Variants in SPEF1 observed in about 807,000 individuals in gnomAD.
The protein encoded by SPEF1 is sperm flagellar and cilia associated 1, also known as sperm flagella and cilia-associated protein 1.
Under a neutral mutation model 31.8 loss-of-function variants are expected in SPEF1, and 30 were observed. The observed-to-expected ratio is 0.94, with a 90% CI of 0.70 to 1.28. The LOEUF (loss-of-function observed/expected upper bound fraction) is 1.28. SPEF1 is among the 50% of genes most tolerant of loss of function. The pLI is 0.00. For missense variants in SPEF1, 298 were observed against 309.6 expected (o/e 0.96, Z 0.28); for synonymous variants, 126 against 130.1 (o/e 0.97, Z 0.21).
rs1360374288 is a variant in SPEF1, at chr20:3,781,382, C to T, written c.-95G>A. 3 of 1,499,744 alleles carry T rather than the reference C, an allele frequency of 2.0e-6. No homozygotes were observed. Among genetic ancestry groups the T allele is most frequent in the South Asian group, 1.2e-5 (1 of 80,582 alleles). The allele number at this position is 1,499,744 out of a possible 1,614,324, so 92.9% of individuals were successfully genotyped here. A position where few individuals can be genotyped will look rare whatever the true frequency, so the allele number is the denominator to read the frequency against. On this transcript the variant is annotated 5_prime_UTR_variant, in exon 1 of 7. It removes an upstream start codon present in the reference 5' UTR. Transcript: ENST00000379756. ...TTCCTTTCTCGCCACTGCAGAAGCCCATAACTGCCTCTGCCTGCCTAATCC... is the reference window on the plus strand; with the variant it reads ...TTCCTTTCTCGCCACTGCAGAAGCCTATAACTGCCTCTGCCTGCCTAATCC...
In SPEF1 at chr20:3,781,360, C is replaced by T; in HGVS notation, c.-73G>A. On this transcript the variant is annotated 5_prime_UTR_variant, in exon 1 of 7. Transcript: ENST00000379756. ...AGCCTCACGACCCTTCAGGCGCTTC[C>T]TTTCTCGCCACTGCAGAAGCCCATA... The T allele has an allele frequency of 6.5e-7, 1 of 1,549,698 alleles. No individual in the cohort carries two copies. The highest frequency in any genetic ancestry group is 1.2e-5 in the South Asian group (1 of 85,726).
chr20:3,777,595 A>C lies in SPEF1; in HGVS notation c.*617T>G, dbSNP rs2088752119. Reference sequence around the variant, plus strand: ...CCCCGTGCGCGAGGAGGGAGGGGCGACTGCTACGGGCACATCGTCGATGTC... The same window carrying C: ...CCCCGTGCGCGAGGAGGGAGGGGCGCCTGCTACGGGCACATCGTCGATGTC... On this transcript the variant is annotated 3_prime_UTR_variant, in exon 7 of 7. Coordinates refer to ENST00000379756, the MANE Select transcript of SPEF1 (RefSeq NM_015417.5). This position sits in a 1 kb window ranked among gnomAD's most constrained non-coding sequence, Gnocchi z 4.1. The C allele has an allele frequency of 6.6e-6, 1 of 152,328 alleles. No homozygotes were observed. The highest frequency in any genetic ancestry group is 1.5e-5 in the Non-Finnish European group (1 of 68,128). The allele number at this position is 152,328 out of a possible 1,614,324, so 9.4% of individuals were successfully genotyped here.
intron 1 of SPEF1, among the ~76,000 whole-genome samples, chr20:3,780,622 G>A (rs2088774041): frequency 6.6e-6 from 1 of 152,084 alleles, no homozygotes; most frequent in Non-Finnish European, 1.5e-5. Flanking sequence ...AGCACAAAAA[G>A]CCACATATGC....
In SPEF1 at chr20:3,779,779, AG is replaced by A; in HGVS notation, c.110-5del. 1 of 1,393,588 alleles carries A rather than the reference AG, an allele frequency of 7.2e-7. No individual in the cohort carries two copies. The highest frequency in any genetic ancestry group is 9.7e-7 in the Non-Finnish European group (1 of 1,035,718). The allele number at this position is 1,393,588 out of a possible 1,614,324, so 86.3% of individuals were successfully genotyped here. ...TTGATGACCTCTGCAACAAGGACTG[AG>A]GGAGAGGGGAGCAGACATGGAAAGT... On this transcript the variant is annotated splice_region_variant and splice_polypyrimidine_tract_variant and intron_variant, in intron 1 of 6. Coordinates refer to ENST00000379756, the MANE Select transcript of SPEF1 (RefSeq NM_015417.5).
At position 3,781,209 on chromosome 20, in the gene SPEF1, G is replaced by A; in HGVS notation, c.79C>T (p.Arg27Ter). The change falls in exon 1 of 7, where the codon CGA becomes TGA. Residue 27 changes from arginine (R) to a stop codon, truncating the protein, a stop_gained. Transcript: ENST00000379756. LOFTEE classifies it high-confidence loss of function. ...VDNIPLSRPK[R>*]NLSRDFSDGV... is the part of the protein sequence containing the mutation. Reference sequence around the variant, plus strand: ...TCGCTAAAGTCCCGGGAGAGGTTTCGCTTGGGCCGGGACAGAGGGATGTTG... The same window carrying A: ...TCGCTAAAGTCCCGGGAGAGGTTTCACTTGGGCCGGGACAGAGGGATGTTG... 1 of 1,614,212 alleles carries A rather than the reference G, an allele frequency of 6.2e-7. No individual in the cohort carries two copies. The highest frequency in any genetic ancestry group is 2.2e-5 in the East Asian group (1 of 44,886).
At position 3,779,203 on chromosome 20, in the gene SPEF1, G is replaced by A. The variant is rs2088765016; in HGVS notation, c.371C>T (p.Ser124Phe). 4 of 1,573,124 alleles carry A rather than the reference G, an allele frequency of 2.5e-6. No individual in the cohort carries two copies. Among genetic ancestry groups the A allele is most frequent in the African/African-American group, 1.3e-5 (1 of 74,146 alleles). The change falls in exon 3 of 7, where the codon TCC (serine) becomes TTC (phenylalanine). Residue 124 changes from serine (S) to phenylalanine (F), a missense_variant. By Grantham distance (155) the Ser-to-Phe change is radical (BLOSUM62 -2). Transcript: ENST00000379756. ...RQRRRKQGAG[S>F]LQELAPQDGS... ...GCTGGAGCGGGGTGGCACCTGTAAG[G>A]AGCCGGCGCCCTGCTTCCTGCGCCT...
Position 3,777,524 on chromosome 20 carries a change from A to C in SPEF1, c.*688T>G, listed in dbSNP as rs1348893705. On this transcript the variant is annotated 3_prime_UTR_variant, in exon 7 of 7. Coordinates refer to ENST00000379756, the MANE Select transcript of SPEF1 (RefSeq NM_015417.5). The surrounding 1 kb of genome is among the most constrained non-coding windows in gnomAD (Gnocchi z 4.1). ...GGAAATAGAACACAACACTGACTTTAATGGGGCAGCCCTGAGCCGTAACCT... is the reference window on the plus strand; with the variant it reads ...GGAAATAGAACACAACACTGACTTTCATGGGGCAGCCCTGAGCCGTAACCT... The C allele has an allele frequency of 1.3e-5, 2 of 152,310 alleles. No individual in the cohort carries two copies. Among genetic ancestry groups the C allele is most frequent in the Non-Finnish European group, 2.9e-5 (2 of 68,092 alleles). The allele number at this position is 152,310 out of a possible 1,614,324, so 9.4% of individuals were successfully genotyped here.
rs1340458558 is a variant in SPEF1, at chr20:3,781,391, C to T, written c.-104G>A. On this transcript the variant is annotated 5_prime_UTR_variant, in exon 1 of 7. Transcript: ENST00000379756. ...CGCCACTGCAGAAGCCCATAACTGC[C>T]TCTGCCTGCCTAATCCAGAGACTCA... The T allele has an allele frequency of 2.7e-6, 4 of 1,464,454 alleles. No homozygotes were observed. Among genetic ancestry groups the T allele is most frequent in the African/African-American group, 2.8e-5 (2 of 70,692 alleles). The allele number at this position is 1,464,454 out of a possible 1,614,324, so 90.7% of individuals were successfully genotyped here. A position where few individuals can be genotyped will look rare whatever the true frequency, so the allele number is the denominator to read the frequency against.
rs766459660 is a variant in SPEF1, at chr20:3,778,961, G to A, written c.408C>T (p.Tyr136=). 1 of 1,614,188 alleles carries A rather than the reference G, an allele frequency of 6.2e-7. No homozygotes were observed. Among genetic ancestry groups the A allele is most frequent in the Non-Finnish European group, 8.5e-7 (1 of 1,180,022 alleles). The stretch of plus-strand genomic sequence containing the variant: ...AAAAGGCCACCTTACCCACATCCAT[G>A]TAGCCACTGCCATCCTGGGGAGCCA... ...QELAPQDGSG[Y]MDVGVSQKAR... Residue 136 remains tyrosine, a synonymous_variant, in exon 4 of 7, where the codon TAC becomes TAT. Coordinates refer to ENST00000379756, the MANE Select transcript of SPEF1 (RefSeq NM_015417.5).
Position 3,779,784 on chromosome 20 carries a change from G to A in SPEF1, c.110-9C>T. On this transcript the variant is annotated splice_polypyrimidine_tract_variant and intron_variant, in intron 1 of 6. Transcript: ENST00000379756. ...GACCTCTGCAACAAGGACTGAGGGA[G>A]AGGGGAGCAGACATGGAAAGTGGGG... 1.3e-6 allele frequency: 2 copies of A among 1,553,812 alleles called. No individual in the cohort carries two copies. Among genetic ancestry groups the A allele is most frequent in the Non-Finnish European group, 1.8e-6 (2 of 1,127,672 alleles).
At chr20:3,779,119 G>A in intron 3 of SPEF1, 77 bp downstream of exon 3, 1 of 1,551,014 alleles carries the variant, frequency 6.4e-7, no homozygotes, top group Non-Finnish European at 8.7e-7. Context: ...TATCACCCAG[G>A]CTGGCCTTTC....
chr20:3,780,108 C>T (rs369812317), intron 1 of SPEF1, among the ~76,000 whole-genome samples: 4 of 151,452 alleles, frequency 2.6e-5, no homozygotes, highest in South Asian at 2.1e-4. Context: ...GAGGCTGAGG[C>T]GGGTAGATCA....
chr20:3,779,330 A>G lies in SPEF1; in HGVS notation c.244T>C (p.Phe82Leu). 2 of 1,598,570 alleles carry G rather than the reference A, an allele frequency of 1.3e-6. No individual in the cohort carries two copies. The highest frequency in any genetic ancestry group is 1.7e-6 in the Non-Finnish European group (2 of 1,169,854). Residue 82 changes from phenylalanine (F) to leucine (L), a missense_variant, in exon 3 of 7, where the codon TTT (phenylalanine) becomes CTT (leucine). Physicochemically the swap from Phe to Leu is conservative, Grantham distance 22. Transcript: ENST00000379756. Reference sequence around the variant, plus strand: ...CGCATCACGTCATCCGGTACTGAAAAGTTCAGCCTCTTCAGTACCTTCCTG... The same window carrying G: ...CGCATCACGTCATCCGGTACTGAAAGGTTCAGCCTCTTCAGTACCTTCCTG... The part of the protein sequence containing the change: ...LNRKVLKRLN[F>L]SVPDDVMRKI...
Position 3,781,192 on chromosome 20 carries a change from G to A in SPEF1, c.96C>T (p.Asp32=). Residue 32 remains aspartate, a synonymous_variant, in exon 1 of 7, where the codon GAC becomes GAT. Coordinates refer to ENST00000379756, the MANE Select transcript of SPEF1 (RefSeq NM_015417.5). ...AAGGGCACACACCTCCATCGCTAAA[G>A]TCCCGGGAGAGGTTTCGCTTGGGCC... The part of the protein sequence containing the change: ...LSRPKRNLSR[D]FSDGVLVAEV... 1 of 1,614,204 alleles carries A rather than the reference G, an allele frequency of 6.2e-7. No individual in the cohort carries two copies. Among genetic ancestry groups the A allele is most frequent in the Non-Finnish European group, 8.5e-7 (1 of 1,180,028 alleles).
In SPEF1 at chr20:3,781,175, A is replaced by C; in HGVS notation, c.109+4T>G. 2 of 1,614,166 alleles carry C rather than the reference A, an allele frequency of 1.2e-6. No homozygotes were observed. The highest frequency in any genetic ancestry group is 1.7e-6 in the Non-Finnish European group (2 of 1,180,008). ...AGAACATGCAGACACACAAGGGCACACACCTCCATCGCTAAAGTCCCGGGA... is the reference window on the plus strand; with the variant it reads ...AGAACATGCAGACACACAAGGGCACCCACCTCCATCGCTAAAGTCCCGGGA... On this transcript the variant is annotated splice_donor_region_variant and intron_variant, in intron 1 of 6. Transcript: ENST00000379756.
chr20:3,778,381 G>A (rs768652084), intron 6 of SPEF1, 40 bp downstream of exon 6: 2 of 1,613,590 alleles, frequency 1.2e-6, no homozygotes, highest in South Asian at 2.2e-5. Context: ...GGCCTCTGCT[G>A]GCCGCGAGCC....
chr20:3,779,120 C>A, intron 3 of SPEF1, 76 bp downstream of exon 3: 1 of 1,548,514 alleles, frequency 6.5e-7, no homozygotes, highest in Non-Finnish European at 8.7e-7. Context: ...ATCACCCAGG[C>A]TGGCCTTTCT....
Position 3,777,787 on chromosome 20 carries a change from A to G in SPEF1, c.*425T>C. 1 of 158,968 alleles carries G rather than the reference A, an allele frequency of 6.3e-6. No homozygotes were observed. The highest frequency in any genetic ancestry group is 1.9e-4 in the South Asian group (1 of 5,358). The allele number at this position is 158,968 out of a possible 1,614,324, so 9.8% of individuals were successfully genotyped here. On this transcript the variant is annotated 3_prime_UTR_variant, in exon 7 of 7. Coordinates refer to ENST00000379756, the MANE Select transcript of SPEF1 (RefSeq NM_015417.5). The surrounding 1 kb of genome is among the most constrained non-coding windows in gnomAD (Gnocchi z 4.1). ...GGGCATGGGGAACTAGCCTGGATGG[A>G]GACGCCGCCGTCCTCGGAGCTGGGC...
In SPEF1 at chr20:3,781,417, C is replaced by A; in HGVS notation, c.-130G>T. The A allele has an allele frequency of 1.5e-6, 2 of 1,371,174 alleles. No individual in the cohort carries two copies. Among genetic ancestry groups the A allele is most frequent in the Non-Finnish European group, 1.9e-6 (2 of 1,030,848 alleles). The allele number at this position is 1,371,174 out of a possible 1,614,324, so 84.9% of individuals were successfully genotyped here. ...TCTGCCTGCCTAATCCAGAGACTCA[C>A]GTCCCAGCTGGGAGCGGCCATATTG... On this transcript the variant is annotated 5_prime_UTR_variant, in exon 1 of 7. Transcript: ENST00000379756.
Sources: gnomAD v4.1 joint callset for allele counts (sites outside exome capture counted in the v4.1 genomes callset) on GRCh38, gnomAD v4.1.1 for gene constraint, Gnocchi (gnomAD v3.1) non-coding constraint, MANE v1.5 for transcripts, NCBI Gene and HGNC (gene_info 2026-07-23, HGNC 2026-07-21) for gene names.